The following LONRF1 variants were observed in gnomAD, a reference collection of about 807,000 sequenced individuals.
The protein encoded by LONRF1 is LON peptidase N-terminal domain and RING finger protein 1.
Under a neutral mutation model 85.8 loss-of-function variants are expected in LONRF1, and 37 were observed. The observed-to-expected ratio is 0.43, with a 90% CI of 0.33 to 0.57. The LOEUF (loss-of-function observed/expected upper bound fraction) is 0.57. Among genes scored for constraint, LONRF1 ranks in the 20% least tolerant of loss-of-function variants. The probability of loss-of-function intolerance (pLI) is 0.04; values close to 1 mark genes in which losing one functional copy is unlikely to be tolerated. For missense variants in LONRF1, 1,036 were observed against 978.0 expected (o/e 1.06, Z -0.79); for synonymous variants, 517 against 390.1 (o/e 1.33, Z -3.83).
chr8:12,754,906 G>T lies in LONRF1; in HGVS notation c.515C>A (p.Ala172Asp). The stretch of plus-strand genomic sequence containing the variant: ...CGGCGGCCGCGGGGCGGTCCCTTCA[G>T]CATCAGTGGCACTGGCGGTGGCGGG... ...LPPATASATD[A>D]EGTAPRPPPL... The change falls in exon 1 of 12, where the codon GCT (alanine) becomes GAT (aspartate). Residue 172 changes from alanine (A) to aspartate (D), a missense_variant. This residue lies in a region of LONRF1 where 742 missense variants were observed against 614.4 expected (regional missense o/e 1.21). Transcript: ENST00000398246. 6.7e-7 allele frequency: 1 copy of T among 1,492,530 alleles called. No individual in the cohort carries two copies. The highest frequency in any genetic ancestry group is 2.9e-5 in the East Asian group (1 of 35,082). The allele number at this position is 1,492,530 out of a possible 1,614,324, so 92.5% of individuals were successfully genotyped here.
intron 3 of LONRF1, among the ~76,000 whole-genome samples, chr8:12,740,326 A>C (rs1798881999): frequency 6.6e-6 from 1 of 152,180 alleles, no homozygotes; most frequent in South Asian, 2.1e-4. Flanking sequence ...AACCTAATTA[A>C]CTTGGCTTAA....
chr8:12,731,448 C>T (rs773721926), intron 8 of LONRF1, among the ~76,000 whole-genome samples: 1 of 152,152 alleles, frequency 6.6e-6, no homozygotes, highest in Admixed American at 6.6e-5. Context: ...CTGTCACCAG[C>T]GCCCCCTCTC....
At chr8:12,726,237 C>A (rs1322272810) in intron 10 of LONRF1, among the ~76,000 whole-genome samples, 1 of 152,036 alleles carries the variant, frequency 6.6e-6, no homozygotes, top group African/African-American at 2.4e-5. Flanking sequence ...TTTTTGAAAG[C>A]AGTGGAACAA....
At chr8:12,730,768 G>C (rs1798498212) in intron 8 of LONRF1, among the ~76,000 whole-genome samples, 1 of 152,170 alleles carries the variant, frequency 6.6e-6, no homozygotes, top group Non-Finnish European at 1.5e-5. Context: ...TTTCTATAAA[G>C]AGTGGAAATC....
In LONRF1 at chr8:12,722,958, A is replaced by G; in HGVS notation, c.*138T>C. Reference sequence around the variant, plus strand: ...TGAAGGTATTCATTTGCAGAACCACATGATTCAGGAGGTCGAAGGAAAAAG... The same window carrying G: ...TGAAGGTATTCATTTGCAGAACCACGTGATTCAGGAGGTCGAAGGAAAAAG... On this transcript the variant is annotated 3_prime_UTR_variant, in exon 12 of 12. Transcript: ENST00000398246. The G allele has an allele frequency of 1.3e-6, 1 of 772,818 alleles. No individual in the cohort carries two copies. Among genetic ancestry groups the G allele is most frequent in the Non-Finnish European group, 2.0e-6 (1 of 489,712 alleles). 47.9% of individuals were successfully genotyped at this position (772,818 alleles called of 1,614,324 possible). A position where few individuals can be genotyped will look rare whatever the true frequency, so the allele number is the denominator to read the frequency against.
chr8:12,749,905 CTTTA>C (rs1799311004), intron 1 of LONRF1, among the ~76,000 whole-genome samples: 1 of 152,162 alleles, frequency 6.6e-6, no homozygotes, highest in East Asian at 1.9e-4. Flanking sequence ...AGGACAGGGA[CTTTA>C]TTTTACTCCT....
In LONRF1 at chr8:12,723,059, G is replaced by C. The variant is rs80200850; in HGVS notation, c.*37C>G. 3.8e-6 allele frequency: 6 copies of C among 1,558,588 alleles called. No individual in the cohort carries two copies. The Admixed American group carries it at 9.3e-5, about 24-fold the overall frequency. On this transcript the variant is annotated 3_prime_UTR_variant, in exon 12 of 12. Coordinates refer to ENST00000398246, the MANE Select transcript of LONRF1 (RefSeq NM_152271.5). ...GACAATCTGGCCATCAATGCAGCCA[G>C]ATTAGGGTCACTTTAAAGGGAGATC...
rs1033934695 is a variant in LONRF1 at position 12,755,505 on chromosome 8, C to T, written c.-85G>A. 4 of 678,424 alleles carry T rather than the reference C, an allele frequency of 5.9e-6. No homozygotes were observed. Among genetic ancestry groups the T allele is most frequent in the East Asian group, 1.3e-4 (1 of 7,870 alleles). The allele number at this position is 678,424 out of a possible 1,614,324, so 42.0% of individuals were successfully genotyped here. On this transcript the variant is annotated 5_prime_UTR_variant, in exon 1 of 12. Coordinates refer to ENST00000398246, the MANE Select transcript of LONRF1 (RefSeq NM_152271.5). ...CGCGGCTCCGCACGCGGCCCGCGAGCAGGGGGGCGTGGCGCGCGGACACGG... is the reference window on the plus strand; with the variant it reads ...CGCGGCTCCGCACGCGGCCCGCGAGTAGGGGGGCGTGGCGCGCGGACACGG...
intron 9 of LONRF1, 22 bp from the exon 10 acceptor site, chr8:12,729,085 T>C: frequency 1.9e-6 from 3 of 1,612,810 alleles, no homozygotes; most frequent in Non-Finnish European, 2.5e-6. Context: ...CCTTGATTAG[T>C]AACAAAGTTG....
At chr8:12,751,239 A>T (rs1799373901) in intron 1 of LONRF1, among the ~76,000 whole-genome samples, 1 of 151,920 alleles carries the variant, frequency 6.6e-6, no homozygotes, top group African/African-American at 2.4e-5. Flanking sequence ...AAATGATATT[A>T]ATATAAATAA....
chr8:12,752,937 A>G (rs572761374), intron 1 of LONRF1: 1 of 152,362 alleles, frequency 6.6e-6, no homozygotes, highest in East Asian at 1.9e-4. Flanking sequence ...GAAGCGGAAG[A>G]TACAGCACTG....
intron 3 of LONRF1, among the ~76,000 whole-genome samples, chr8:12,739,284 T>C (rs190037015): frequency 1.4e-5 from 2 of 144,242 alleles, no homozygotes; most frequent in East Asian, 2.0e-4. Context: ...GTTCATATAA[T>C]GGAATACTTT....
At chr8:12,738,976 T>C (rs1386506931) in intron 3 of LONRF1, among the ~76,000 whole-genome samples, 1 of 152,102 alleles carries the variant, frequency 6.6e-6, no homozygotes, top group East Asian at 1.9e-4. Context: ...ATATAAACAA[T>C]GTAGATAAAA....
At chr8:12,737,962 C>A (rs373051747) in intron 4 of LONRF1, 33 bp downstream of exon 4, 110 of 1,579,632 alleles carry the variant, frequency 7.0e-5, no homozygotes, top group Non-Finnish European at 9.2e-5. Context: ...AATGGATACG[C>A]TAAACTCATG....
rs1285402275 is a variant in LONRF1 at position 12,743,292 on chromosome 8, ATATTT to A, written c.722-15_722-11del. 1 of 1,389,302 alleles carries A rather than the reference ATATTT, an allele frequency of 7.2e-7. No homozygotes were observed. Among genetic ancestry groups the A allele is most frequent in the Non-Finnish European group, 1.0e-6 (1 of 982,236 alleles). The allele number at this position is 1,389,302 out of a possible 1,614,324, so 86.1% of individuals were successfully genotyped here. ...ATCAAGTCACTGGGTTCTGAAATAAATATTTTATAAGGATATGATTATTTTTAAAA... is the reference window on the plus strand; with the variant it reads ...ATCAAGTCACTGGGTTCTGAAATAAATATAAGGATATGATTATTTTTAAAA... On this transcript the variant is annotated splice_polypyrimidine_tract_variant and intron_variant, in intron 1 of 11. Coordinates refer to ENST00000398246, the MANE Select transcript of LONRF1 (RefSeq NM_152271.5).
At chr8:12,751,373 C>T (rs1278851289) in intron 1 of LONRF1, among the ~76,000 whole-genome samples, 1 of 120,916 alleles carries the variant, frequency 8.3e-6, no homozygotes, top group Non-Finnish European at 1.6e-5. Flanking sequence ...GTGGTGTGGT[C>T]TCAGCTAACT....
Position 12,723,216 on chromosome 8 carries a change from A to C in LONRF1, c.2202T>G (p.Leu734=). The change falls in exon 12 of 12, where the codon CTT becomes CTG. Residue 734 remains leucine (L), a synonymous_variant. Transcript: ENST00000398246. ...PNGPAWCWWL[L]AVLPVDPRYQ... ...ATCGTGGGTCTACAGGGAGAACTGCAAGAAGCCACCAACACCATGCAGGTC... is the reference window on the plus strand; with the variant it reads ...ATCGTGGGTCTACAGGGAGAACTGCCAGAAGCCACCAACACCATGCAGGTC... 6.2e-7 allele frequency: 1 copy of C among 1,614,086 alleles called. No individual in the cohort carries two copies. Among genetic ancestry groups the C allele is most frequent in the Non-Finnish European group, 8.5e-7 (1 of 1,179,968 alleles).
At chr8:12,723,892 G>A (rs1012408625) in intron 11 of LONRF1, among the ~76,000 whole-genome samples, 1 of 152,202 alleles carries the variant, frequency 6.6e-6, no homozygotes, top group Non-Finnish European at 1.5e-5. Context: ...TATCTCCAGT[G>A]AAAAGGTCCT....
intron 7 of LONRF1, among the ~76,000 whole-genome samples, chr8:12,733,657 G>T (rs192124416): frequency 1.3e-5 from 2 of 152,022 alleles, no homozygotes; most frequent in East Asian, 3.9e-4. Context: ...AATGATGTTG[G>T]CAAAAGCATA....
Sources: gnomAD v4.1 joint callset for allele counts (sites outside exome capture counted in the v4.1 genomes callset) on GRCh38, gnomAD v4.1.1 for gene constraint, gnomAD v4.1.1 regional missense constraint, MANE v1.5 for transcripts, NCBI Gene and HGNC (gene_info 2026-07-23, HGNC 2026-07-21) for gene names.